PRKAG2: variants seen among roughly 807,000 people sequenced by gnomAD.
PRKAG2 encodes protein kinase AMP-activated non-catalytic subunit gamma 2.
PRKAG2 carries 26 observed loss-of-function variants against 69.6 expected under a neutral mutation model. That is an observed-to-expected ratio of 0.37 (90% CI 0.27 to 0.52). The LOEUF is 0.52. Among genes scored for constraint, PRKAG2 ranks in the 20% least tolerant of loss-of-function variants. PRKAG2 has a pLI of 0.90. For missense variants in PRKAG2, 557 were observed against 740.0 expected (o/e 0.75, Z 2.87); for synonymous variants, 293 against 285.0 (o/e 1.03, Z -0.28).
chr7:151,698,840 G>A (rs1424355348), intron 3 of PRKAG2, among the ~76,000 whole-genome samples: 2 of 152,182 alleles, frequency 1.3e-5, no homozygotes, highest in African/African-American at 2.4e-5. Flanking sequence ...ACAGGCAGGG[G>A]AATGGGTGCA....
At chr7:151,729,944 C>T (rs1426891155) in intron 3 of PRKAG2, among the ~76,000 whole-genome samples, 1 of 152,316 alleles carries the variant, frequency 6.6e-6, no homozygotes, top group East Asian at 1.9e-4. Context: ...ACAAACACTA[C>T]GTGATTCTAT....
chr7:151,747,236 C>G (rs2074340045), intron 3 of PRKAG2, among the ~76,000 whole-genome samples: 1 of 152,198 alleles, frequency 6.6e-6, no homozygotes, highest in African/African-American at 2.4e-5. Flanking sequence ...CCTGACTCAT[C>G]TATAAAGAGT....
chr7:151,576,856 G>A (rs943699969), intron 6 of PRKAG2, among the ~76,000 whole-genome samples: 11 of 152,030 alleles, frequency 7.2e-5, no homozygotes, highest in African/African-American at 2.7e-4. Context: ...TCCATAATAA[G>A]TTTCGTAAGT....
At chr7:151,802,453 C>G (rs975319671) in intron 1 of PRKAG2, among the ~76,000 whole-genome samples, 5 of 152,114 alleles carry the variant, frequency 3.3e-5, no homozygotes, top group Non-Finnish European at 7.3e-5. Flanking sequence ...TGGGAGACAG[C>G]CTTTGGAGAG....
intron 2 of PRKAG2, among the ~76,000 whole-genome samples, chr7:151,784,374 TA>T (rs1050460490): frequency 6.6e-6 from 1 of 152,058 alleles, no homozygotes; most frequent in Non-Finnish European, 1.5e-5. Context: ...CAGAGACACA[TA>T]GGGGAGCGGG....
chr7:151,664,845 T>C (rs955729459), intron 4 of PRKAG2, among the ~76,000 whole-genome samples: 4 of 152,214 alleles, frequency 2.6e-5, no homozygotes, highest in African/African-American at 7.2e-5. Flanking sequence ...GGGTTGCCTC[T>C]CTAGGATGGA....
chr7:151,618,009 T>C (rs755415882), intron 5 of PRKAG2, among the ~76,000 whole-genome samples: 23 of 152,088 alleles, frequency 1.5e-4, no homozygotes, highest in Non-Finnish European at 3.2e-4. Context: ...GTCAAAAGTA[T>C]ATGGAAGAGA....
intron 3 of PRKAG2, among the ~76,000 whole-genome samples, chr7:151,691,596 A>G (rs1223508288): frequency 1.3e-5 from 2 of 152,224 alleles, no homozygotes; most frequent in African/African-American, 4.8e-5. Flanking sequence ...AGGGCTATAT[A>G]CATTAAAACT....
At chr7:151,860,886 G>C (rs1251486278) in intron 1 of PRKAG2, among the ~76,000 whole-genome samples, 6 of 152,188 alleles carry the variant, frequency 3.9e-5, no homozygotes, top group South Asian at 2.1e-4. Flanking sequence ...GTAGAGGGAG[G>C]TGCAGGCAGA....
At chr7:151,602,360 A>G (rs1320839141) in intron 5 of PRKAG2, among the ~76,000 whole-genome samples, 1 of 152,240 alleles carries the variant, frequency 6.6e-6, no homozygotes, top group Non-Finnish European at 1.5e-5. Flanking sequence ...CATTAAATCA[A>G]GAATTTTCAT....
Position 151,780,115 on chromosome 7 carries a change from C to A in PRKAG2, c.466+1037G>T, listed in dbSNP as rs1196819626. 1.3e-5 allele frequency among the ~76,000 whole-genome samples: 2 copies of A among 152,198 alleles called. No homozygotes were observed. The highest frequency in any genetic ancestry group is 2.9e-5 in the Non-Finnish European group (2 of 68,044). On this transcript the variant is annotated intron_variant, in intron 3 of 15. Transcript: ENST00000287878. This position sits in a 1 kb window ranked among gnomAD's most constrained non-coding sequence, Gnocchi z 4.2. ...TGCAAAATCTGTCCAAGAGATAGAT[C>A]TGCTCCACTCACACAGAATACGGCC... is the stretch of plus-strand genomic sequence containing the variant.
chr7:151,847,138 C>A lies in PRKAG2; in HGVS notation c.114+29369G>T, dbSNP rs77852771. Reference sequence around the variant, plus strand: ...TTCTGGAATCTCCCAGTGAAACCGCCTGGACTTTGCAGGAAGACTGCAGCC... The same window carrying A: ...TTCTGGAATCTCCCAGTGAAACCGCATGGACTTTGCAGGAAGACTGCAGCC... On this transcript the variant is annotated intron_variant, in intron 1 of 15. Transcript: ENST00000287878. 2.9e-3 allele frequency among the ~76,000 whole-genome samples: 443 copies of A among 152,330 alleles called. 4 individuals carry two copies. Among genetic ancestry groups the A allele is most frequent in the African/African-American group, 0.01 (425 of 41,566 alleles).
intron 4 of PRKAG2, among the ~76,000 whole-genome samples, chr7:151,637,432 C>T (rs895242349): frequency 6.6e-6 from 1 of 152,062 alleles, no homozygotes; most frequent in Non-Finnish European, 1.5e-5. Flanking sequence ...GCAGTATGTA[C>T]GTCAGGAGGA....
chr7:151,558,347 A>C (rs916106481), intron 15 of PRKAG2: 25 of 985,274 alleles, frequency 2.5e-5, no homozygotes, highest in Non-Finnish European at 2.7e-5. Flanking sequence ...ACAACCACCT[A>C]ACAGTGCAGG....
At chr7:151,635,986 G>A (rs1410490875) in intron 4 of PRKAG2, among the ~76,000 whole-genome samples, 1 of 151,038 alleles carries the variant, frequency 6.6e-6, no homozygotes, top group African/African-American at 2.4e-5. Context: ...TCCTGCCTTA[G>A]CCTCCGGAGT....
intron 1 of PRKAG2, among the ~76,000 whole-genome samples, chr7:151,791,535 T>C (rs2077273899): frequency 6.6e-6 from 1 of 152,212 alleles, no homozygotes. Context: ...GAAGCCCTGA[T>C]TTCCGCCAAG....
At chr7:151,855,239 C>G (rs1586728914) in intron 1 of PRKAG2, among the ~76,000 whole-genome samples, 1 of 135,076 alleles carries the variant, frequency 7.4e-6, no homozygotes, top group South Asian at 2.5e-4. Flanking sequence ...CACACACCGC[C>G]CTCCACACAC....
intron 1 of PRKAG2, among the ~76,000 whole-genome samples, chr7:151,821,326 A>G (rs1225073621): frequency 1.3e-5 from 2 of 152,160 alleles, no homozygotes; most frequent in East Asian, 3.8e-4. Context: ...AAGGCTCTAG[A>G]AGGCTGTGGA....
chr7:151,627,956 G>A (rs963123921), intron 5 of PRKAG2, among the ~76,000 whole-genome samples: 8 of 152,152 alleles, frequency 5.3e-5, no homozygotes, highest in South Asian at 2.1e-4. Flanking sequence ...GAGCCGCCAC[G>A]CCCGGCCTGG....
Sources: allele counts gnomAD v4.1 joint callset (sites outside exome capture counted in the v4.1 genomes callset), GRCh38; gene constraint gnomAD v4.1.1; non-coding constraint Gnocchi (gnomAD v3.1); transcripts MANE v1.5; gene names NCBI Gene and HGNC (gene_info 2026-07-23, HGNC 2026-07-21).